AHCTF1: variants seen among roughly 807,000 people sequenced by gnomAD.
The protein encoded by AHCTF1 is AT-hook containing transcription factor 1.
In AHCTF1, 24 loss-of-function variants were observed where a neutral mutation model predicts 248.4. The observed-to-expected ratio is 0.10, with a 90% CI of 0.07 to 0.14. The LOEUF is 0.14. Among genes scored for constraint, AHCTF1 ranks in the 10% least tolerant of loss-of-function variants. AHCTF1 has a pLI of 1.00. For missense variants in AHCTF1, 2,206 were observed against 2,636.2 expected (o/e 0.84, Z 3.57); for synonymous variants, 786 against 929.8 (o/e 0.85, Z 2.81).
chr1:246,887,440 G>C, intron 19 of AHCTF1, 83 bp from the exon 20 acceptor site: 1 of 1,370,208 alleles, frequency 7.3e-7, no homozygotes. Context: ...GCAACAAAAT[G>C]TAGCATTAAA....
chr1:246,919,779 G>A (rs904235773), intron 1 of AHCTF1, among the ~76,000 whole-genome samples: 7 of 151,352 alleles, frequency 4.6e-5, no homozygotes, highest in African/African-American at 1.5e-4. Context: ...GCAATCCACG[G>A]AAACAACCAC....
At position 246,877,190 on chromosome 1, in the gene AHCTF1, A is replaced by G; in HGVS notation, c.2773T>C (p.Leu925=). The G allele has an allele frequency of 6.2e-7, 1 of 1,613,246 alleles. No individual in the cohort carries two copies. Among genetic ancestry groups the G allele is most frequent in the Non-Finnish European group, 8.5e-7 (1 of 1,179,860 alleles). Residue 925 remains leucine, a synonymous_variant, in exon 22 of 36, where the codon TTA becomes CTA. Coordinates refer to ENST00000648844, the MANE Select transcript of AHCTF1 (RefSeq NM_001323342.2). ...GTGTCTGTAAATGGTAACTTCAGTA[A>G]ATCTTCCATCAAGCCCATTTCCTGA... ...VCQEMGLMED[L]LKLPFTDTEQ...
intron 32 of AHCTF1, 86 bp downstream of exon 32, chr1:246,853,005 C>T (rs1572364820): frequency 5.5e-6 from 5 of 914,554 alleles, no homozygotes; most frequent in African/African-American, 1.7e-5. Context: ...AATAAATGAA[C>T]GTGTTAGATT....
intron 26 of AHCTF1, chr1:246,865,327 TG>T (rs968880568): frequency 6.6e-5 from 10 of 152,330 alleles, no homozygotes; most frequent in Non-Finnish European, 1.5e-4. Flanking sequence ...GTACCTTCCT[TG>T]TCATTCTATC....
chr1:246,912,603 T>C (rs902390430), intron 4 of AHCTF1, among the ~76,000 whole-genome samples: 4 of 152,200 alleles, frequency 2.6e-5, no homozygotes, highest in Non-Finnish European at 5.9e-5. Context: ...GCTCTTCCTT[T>C]CTTCATAAAC....
In AHCTF1 at chr1:246,849,630, G is replaced by T; in HGVS notation, c.6376C>A (p.Pro2126Thr). The change falls in exon 33 of 36, where the codon CCA becomes ACA. Residue 2126 changes from proline to threonine, a missense_variant. By Grantham distance (38) the Pro-to-Thr change is conservative. Coordinates refer to ENST00000648844, the MANE Select transcript of AHCTF1 (RefSeq NM_001323342.2). ...AGAAAAGTACCTTTTGCTTTCCTTG[G>T]AACTTCTGACGCTGGAGAAAATAAA... The part of the protein sequence containing the change: ...EPLFSPASEV[P>T]RKAKAKKIEV... The T allele has an allele frequency of 1.2e-6, 2 of 1,607,804 alleles. No homozygotes were observed. The highest frequency in any genetic ancestry group is 1.3e-5 in the African/African-American group (1 of 74,768).
intron 4 of AHCTF1, among the ~76,000 whole-genome samples, chr1:246,912,508 G>T (rs928907160): frequency 6.6e-6 from 1 of 150,558 alleles, no homozygotes; most frequent in Admixed American, 6.6e-5. Flanking sequence ...AACCAAGAAC[G>T]TCCTCACAAA....
intron 27 of AHCTF1, among the ~76,000 whole-genome samples, chr1:246,862,462 A>G (rs1377648217): frequency 6.6e-6 from 1 of 151,942 alleles, no homozygotes; most frequent in Non-Finnish European, 1.5e-5. Flanking sequence ...CCTGGGCGAC[A>G]GAGCAAGACT....
At chr1:246,929,780 G>C (rs569666018) in intron 1 of AHCTF1, among the ~76,000 whole-genome samples, 1 of 152,244 alleles carries the variant, frequency 6.6e-6, no homozygotes, top group East Asian at 1.9e-4. Flanking sequence ...CCAGCCGGGC[G>C]CGGTGGCTCA....
Position 246,918,384 on chromosome 1 carries a change from A to G in AHCTF1, c.-7-7T>C, listed in dbSNP as rs142686289. On this transcript the variant is annotated splice_polypyrimidine_tract_variant and splice_region_variant and intron_variant, in intron 1 of 35. Transcript: ENST00000648844. ...TAAGTCTCGCATACTTCCACTGTAA[A>G]TATTTTTAAAAGAAAACATTATTAT... 1,317 of 1,601,242 alleles carry G rather than the reference A, an allele frequency of 8.2e-4. 5 individuals are homozygous for G. Among genetic ancestry groups the G allele is most frequent in the African/African-American group, 5.8e-3 (435 of 74,490 alleles).
Position 246,931,506 on chromosome 1 carries a change from C to T in AHCTF1, c.-8+72G>A, listed in dbSNP as rs867559842. 5.8e-5 allele frequency: 31 copies of T among 535,238 alleles called. No individual in the cohort carries two copies. In the African/African-American group the frequency reaches 6.3e-4, roughly 11 times the overall value. The allele number at this position is 535,238 out of a possible 1,614,324, so 33.2% of individuals were successfully genotyped here. A position where few individuals can be genotyped will look rare whatever the true frequency, so the allele number is the denominator to read the frequency against. On this transcript the variant is annotated intron_variant, in intron 1 of 35. Coordinates refer to ENST00000648844, the MANE Select transcript of AHCTF1 (RefSeq NM_001323342.2). ...GCCGCCGCCGCCGCCGCCGCCGCCG[C>T]CGCCGCGGGTCCAGGCCGCGCGACC...
At chr1:246,868,601 T>C (rs1385409695) in intron 24 of AHCTF1, among the ~76,000 whole-genome samples, 2 of 129,884 alleles carry the variant, frequency 1.5e-5, no homozygotes, top group Non-Finnish European at 3.1e-5. Context: ...GTTGGGCTTT[T>C]GGTAAGTGGT....
intron 20 of AHCTF1, 28 bp downstream of exon 20, chr1:246,887,183 A>T (rs776806795): frequency 6.4e-7 from 1 of 1,572,202 alleles, no homozygotes; most frequent in Non-Finnish European, 8.6e-7. Flanking sequence ...AATTCATGAA[A>T]GTTTATGCTG....
intron 4 of AHCTF1, among the ~76,000 whole-genome samples, chr1:246,912,626 A>G (rs1665892076): frequency 1.3e-5 from 2 of 152,250 alleles, no homozygotes; most frequent in African/African-American, 2.4e-5. Flanking sequence ...GAGACTCACA[A>G]TTTTCAAAAA....
In AHCTF1 at chr1:246,888,545, T is replaced by C. The variant is rs147966769; in HGVS notation, c.2145-28A>G. 337 of 1,611,090 alleles carry C rather than the reference T, an allele frequency of 2.1e-4. 3 individuals are homozygous for C. The East Asian group carries it at 7.5e-3, about 36-fold the overall frequency. ...GCAATCAGGGAAAAATTAAGACTTA[T>C]TTAATATCACTGTTAATTAATATCA... On this transcript the variant is annotated intron_variant, in intron 17 of 35. Coordinates refer to ENST00000648844, the MANE Select transcript of AHCTF1 (RefSeq NM_001323342.2).
rs754461811 is a variant in AHCTF1, at chr1:246,853,310, A to T, written c.4355-11T>A. 6.3e-7 allele frequency: 1 copy of T among 1,595,118 alleles called. No homozygotes were observed. The highest frequency in any genetic ancestry group is 1.2e-5 in the South Asian group (1 of 86,818). ...GGACATCAGCCATAGCTGAAAGAAA[A>T]ATGAGTGAATTTTTTACATTTAAAC... On this transcript the variant is annotated splice_polypyrimidine_tract_variant and intron_variant, in intron 31 of 35. Coordinates refer to ENST00000648844, the MANE Select transcript of AHCTF1 (RefSeq NM_001323342.2).
chr1:246,877,373 T>C (rs1355260786), intron 21 of AHCTF1, 71 bp from the exon 22 acceptor site: 12 of 1,443,136 alleles, frequency 8.3e-6, no homozygotes, highest in Non-Finnish European at 9.2e-6. Context: ...GAAATCTACA[T>C]GTAGAATTTC....
chr1:246,881,611 C>T (rs1220465493), intron 21 of AHCTF1, among the ~76,000 whole-genome samples: 8 of 151,686 alleles, frequency 5.3e-5, no homozygotes, highest in African/African-American at 1.9e-4. Context: ...CCGAGGCGGG[C>T]GGATCACCTG....
At chr1:246,841,757 C>T (rs945784106) in intron 35 of AHCTF1, among the ~76,000 whole-genome samples, 2 of 151,914 alleles carry the variant, frequency 1.3e-5, no homozygotes, top group Non-Finnish European at 2.9e-5. Context: ...ACTAAACTGC[C>T]CCCACCCTAC....
Sources: gnomAD v4.1 joint callset for allele counts (sites outside exome capture counted in the v4.1 genomes callset) on GRCh38, gnomAD v4.1.1 for gene constraint, MANE v1.5 for transcripts, NCBI Gene and HGNC (gene_info 2026-07-23, HGNC 2026-07-21) for gene names.